The following OSBPL1A variants were observed in gnomAD, a reference collection of about 807,000 sequenced individuals.
The protein encoded by OSBPL1A is oxysterol binding protein like 1A, also known as oxysterol-binding protein-related protein 1.
In OSBPL1A, 80 loss-of-function variants were observed where a neutral mutation model predicts 137.1. The observed-to-expected ratio is 0.58, with a 90% CI of 0.49 to 0.70. OSBPL1A has a LOEUF of 0.70. Ranked by LOEUF, OSBPL1A falls within the 30% of genes least tolerant of loss-of-function variation. The probability of loss-of-function intolerance (pLI) is 0.00; values close to 1 mark genes in which losing one functional copy is unlikely to be tolerated. For missense variants in OSBPL1A, 970 were observed against 1,129.4 expected (o/e 0.86, Z 2.02); for synonymous variants, 365 against 389.7 (o/e 0.94, Z 0.75).
intron 17 of OSBPL1A, among the ~76,000 whole-genome samples, chr18:24,197,811 G>A (rs1419072741): frequency 2.8e-5 from 4 of 142,740 alleles, no homozygotes; most frequent in African/African-American, 1.0e-4. Flanking sequence ...TTTTGAGATG[G>A]ACTTTCGTTC....
intron 6 of OSBPL1A, among the ~76,000 whole-genome samples, chr18:24,333,997 T>C (rs2146144250): frequency 6.6e-6 from 1 of 152,312 alleles, no homozygotes; most frequent in South Asian, 2.1e-4. Flanking sequence ...CCATCAGGTT[T>C]TCAGGGGGAT....
intron 15 of OSBPL1A, among the ~76,000 whole-genome samples, chr18:24,262,629 A>T (rs1342783198): frequency 6.6e-6 from 1 of 152,204 alleles, no homozygotes. Flanking sequence ...TAAGTGTATG[A>T]TTCAGTAAGC....
intron 1 of OSBPL1A, among the ~76,000 whole-genome samples, chr18:24,389,457 C>T (rs1365345002): frequency 1.3e-5 from 2 of 152,172 alleles, no homozygotes; most frequent in Non-Finnish European, 2.9e-5. Context: ...GGTGACCATA[C>T]TTGATAGTCT....
intron 1 of OSBPL1A, 41 bp from the exon 2 acceptor site, chr18:24,377,576 A>T: frequency 6.5e-7 from 1 of 1,537,896 alleles, no homozygotes; most frequent in Non-Finnish European, 8.7e-7. Context: ...ATTTAAGAAC[A>T]TAATTAGCTT....
At chr18:24,168,681 T>C (rs1284341630) in intron 24 of OSBPL1A, among the ~76,000 whole-genome samples, 1 of 152,122 alleles carries the variant, frequency 6.6e-6, no homozygotes, top group Non-Finnish European at 1.5e-5. Flanking sequence ...GTTTACAAAA[T>C]AGCACAGAGG....
At chr18:24,392,917 C>T (rs114762038) in intron 1 of OSBPL1A, among the ~76,000 whole-genome samples, 2,809 of 152,256 alleles carry the variant, frequency 0.018, 92 homozygotes, top group African/African-American at 0.064. Context: ...TCTCGAACTC[C>T]TGGCCTTAAG....
chr18:24,227,275 GA>G (rs1013743576), intron 16 of OSBPL1A, among the ~76,000 whole-genome samples: 71 of 151,524 alleles, frequency 4.7e-4, no homozygotes, highest in African/African-American at 1.6e-3. Context: ...AACTATCATT[GA>G]AAAAAAATTA....
At chr18:24,275,977 C>A (rs1261169776) in intron 15 of OSBPL1A, among the ~76,000 whole-genome samples, 1 of 152,158 alleles carries the variant, frequency 6.6e-6, no homozygotes, top group South Asian at 2.1e-4. Flanking sequence ...GATCCACCAC[C>A]TCAGCCTCCC....
intron 15 of OSBPL1A, among the ~76,000 whole-genome samples, chr18:24,262,655 C>T (rs867251933): frequency 1.2e-4 from 18 of 152,142 alleles, no homozygotes; most frequent in South Asian, 2.1e-4. Flanking sequence ...CAAATATATA[C>T]GCCGCCATGT....
chr18:24,192,318 A>T (rs2086908685), intron 18 of OSBPL1A, among the ~76,000 whole-genome samples: 1 of 152,130 alleles, frequency 6.6e-6, no homozygotes, highest in Non-Finnish European at 1.5e-5. Context: ...CACACAGGAC[A>T]TGAGGCTTTC....
rs774833191 is a variant in OSBPL1A, at chr18:24,341,673, ATTTATT to A, written c.283-21_283-16del. 1.3e-6 allele frequency: 2 copies of A among 1,540,904 alleles called. No individual in the cohort carries two copies. Among genetic ancestry groups the A allele is most frequent in the South Asian group, 2.3e-5 (2 of 87,900 alleles). ...ATTACCAACTCCTAAAAATCAGAGA[ATTTATT>A]TTTAACTATTAAGCTAAGATTTTAT... On this transcript the variant is annotated splice_polypyrimidine_tract_variant and intron_variant, in intron 4 of 27. Transcript: ENST00000319481.
At chr18:24,354,217 C>A (rs1472600244) in intron 4 of OSBPL1A, among the ~76,000 whole-genome samples, 1 of 152,116 alleles carries the variant, frequency 6.6e-6, no homozygotes, top group East Asian at 1.9e-4. Context: ...AGGTCTCCTT[C>A]CCCTTAAGCA....
At chr18:24,238,576 C>T (rs1413437316) in intron 16 of OSBPL1A, among the ~76,000 whole-genome samples, 2 of 152,218 alleles carry the variant, frequency 1.3e-5, no homozygotes, top group East Asian at 1.9e-4. Context: ...GAAATGGACA[C>T]TATAATTATC....
chr18:24,353,254 G>A lies in OSBPL1A; in HGVS notation c.283-11596C>T, dbSNP rs1028050379. On this transcript the variant is annotated intron_variant, in intron 4 of 27. Coordinates refer to ENST00000319481, the MANE Select transcript of OSBPL1A (RefSeq NM_080597.4). ...CAAACAACCCCATCAAAAAGTGGGC[G>A]AAGGAGATGAACAGACACTTCTAAA... Among the ~76,000 whole-genome samples, 43 of 152,174 alleles carry A rather than the reference G, an allele frequency of 2.8e-4. No homozygotes were observed. The East Asian group carries it at 3.1e-3, about 11-fold the overall frequency.
At chr18:24,323,332 C>T (rs944716053) in intron 7 of OSBPL1A, among the ~76,000 whole-genome samples, 1 of 150,118 alleles carries the variant, frequency 6.7e-6, no homozygotes, top group African/African-American at 2.4e-5. Context: ...GTGGGTGGAT[C>T]GCTTGATGCC....
At chr18:24,327,549 A>G (rs769416654) in intron 7 of OSBPL1A, among the ~76,000 whole-genome samples, 12 of 152,118 alleles carry the variant, frequency 7.9e-5, no homozygotes, top group Non-Finnish European at 2.9e-5. Flanking sequence ...AGCTGGAAGT[A>G]CAGGCACCTG....
chr18:24,174,031 T>C (rs911991875), intron 21 of OSBPL1A, among the ~76,000 whole-genome samples: 4 of 152,262 alleles, frequency 2.6e-5, no homozygotes, highest in Non-Finnish European at 4.4e-5. Context: ...ATTTGTATAA[T>C]GCACCTGAAA....
At chr18:24,249,421 A>G (rs977198778) in intron 15 of OSBPL1A, among the ~76,000 whole-genome samples, 3 of 152,236 alleles carry the variant, frequency 2.0e-5, no homozygotes, top group Admixed American at 2.0e-4. Context: ...TGTAACAAGT[A>G]TCTGCACACA....
At chr18:24,189,175 GAGA>G (rs1205205808) in intron 18 of OSBPL1A, among the ~76,000 whole-genome samples, 11 of 152,242 alleles carry the variant, frequency 7.2e-5, no homozygotes, top group Non-Finnish European at 1.3e-4. Flanking sequence ...CTGACAAACT[GAGA>G]AGAAGGAGAG....
Sources: allele counts gnomAD v4.1 joint callset (sites outside exome capture counted in the v4.1 genomes callset), GRCh38; gene constraint gnomAD v4.1.1; transcripts MANE v1.5; gene names NCBI Gene and HGNC (gene_info 2026-07-23, HGNC 2026-07-21).